The following AGK variants were observed in gnomAD, a reference collection of about 807,000 sequenced individuals.
AGK encodes acylglycerol kinase, also known as acylglycerol kinase, mitochondrial.
Under a neutral mutation model 66.4 loss-of-function variants are expected in AGK, and 52 were observed. That is an observed-to-expected ratio of 0.78 (90% CI 0.63 to 0.99). The LOEUF is 0.99. AGK is among the 50% of genes least tolerant of loss of function. The probability of loss-of-function intolerance (pLI) is 0.00; values close to 1 mark genes in which losing one functional copy is unlikely to be tolerated. For missense variants in AGK, 451 were observed against 506.6 expected, an observed-to-expected ratio of 0.89 and a Z score of 1.05; for synonymous variants, 182 against 181.1, an observed-to-expected ratio of 1.00 and a Z score of -0.04.
chr7:141,602,537 C>T (rs1257411523), intron 5 of AGK, among the ~76,000 whole-genome samples: 1 of 151,962 alleles, frequency 6.6e-6, no homozygotes, highest in Non-Finnish European at 1.5e-5. Context: ...TGTAATGTCT[C>T]ATTTTCATTC....
chr7:141,630,484 A>C (rs892090359), intron 9 of AGK, among the ~76,000 whole-genome samples: 2 of 152,232 alleles, frequency 1.3e-5, no homozygotes, highest in African/African-American at 4.8e-5. Flanking sequence ...TAATCATCCC[A>C]CATGTCAATT....
chr7:141,596,928 T>C, intron 4 of AGK: 1 of 335,690 alleles, frequency 3.0e-6, no homozygotes, highest in Non-Finnish European at 5.5e-6. Flanking sequence ...GAGCGACTGC[T>C]GTACTGCTAG....
chr7:141,641,198 G>A (rs1238288563), intron 11 of AGK, 50 bp from the exon 12 acceptor site: 1 of 1,554,324 alleles, frequency 6.4e-7, no homozygotes, highest in Non-Finnish European at 8.7e-7. Flanking sequence ...GAAACTCCCA[G>A]AGTGGAATTG....
intron 15 of AGK, chr7:141,652,552 C>CA (rs1354400455): frequency 5.3e-6 from 2 of 380,488 alleles, no homozygotes; most frequent in African/African-American, 2.0e-5. Flanking sequence ...AGATAGGGGC[C>CA]AAAAAAAGAA....
At chr7:141,573,088 C>T (rs1795648830) in intron 2 of AGK, among the ~76,000 whole-genome samples, 1 of 152,138 alleles carries the variant, frequency 6.6e-6, no homozygotes, top group African/African-American at 2.4e-5. Context: ...ATTCTGCTGA[C>T]ATTTGAAGAA....
chr7:141,648,126 C>T (rs1287869088), intron 13 of AGK, among the ~76,000 whole-genome samples: 1 of 152,184 alleles, frequency 6.6e-6, no homozygotes. Context: ...GGCTTCTCCA[C>T]GGGACCCCCT....
chr7:141,599,736 A>G (rs1348836440), intron 4 of AGK, among the ~76,000 whole-genome samples: 1 of 152,188 alleles, frequency 6.6e-6, no homozygotes, highest in Non-Finnish European at 1.5e-5. Flanking sequence ...CAGTGCTTTA[A>G]TGTTGGGTTA....
intron 2 of AGK, among the ~76,000 whole-genome samples, chr7:141,559,925 T>G (rs1169717397): frequency 6.6e-6 from 1 of 152,188 alleles, no homozygotes; most frequent in African/African-American, 2.4e-5. Context: ...GATTTTTGTG[T>G]GTTGTGTATC....
intron 9 of AGK, 43 bp downstream of exon 9, chr7:141,621,844 A>C (rs774249563): frequency 1.6e-5 from 22 of 1,385,176 alleles, no homozygotes; most frequent in Non-Finnish European, 2.1e-5. Context: ...TGAAAGTAAT[A>C]CTCGCTTACA....
intron 5 of AGK, among the ~76,000 whole-genome samples, chr7:141,608,610 C>T (rs1587122683): frequency 6.6e-6 from 1 of 152,164 alleles, no homozygotes; most frequent in East Asian, 1.9e-4. Context: ...AAAGTATTGC[C>T]TAAGAAAAGG....
At chr7:141,604,598 T>G (rs1207220535) in intron 5 of AGK, among the ~76,000 whole-genome samples, 2 of 147,284 alleles carry the variant, frequency 1.4e-5, no homozygotes, top group African/African-American at 2.5e-5. Context: ...TTTTTTTTTT[T>G]TTTTGAGACA....
chr7:141,564,938 G>A (rs781299544), intron 2 of AGK, among the ~76,000 whole-genome samples: 38 of 152,046 alleles, frequency 2.5e-4, no homozygotes, highest in Non-Finnish European at 5.1e-4. Flanking sequence ...TGTTGGTCAG[G>A]CTGGTCTTGA....
At chr7:141,585,515 T>A (rs1377300448) in intron 2 of AGK, among the ~76,000 whole-genome samples, 1 of 152,184 alleles carries the variant, frequency 6.6e-6, no homozygotes, top group African/African-American at 2.4e-5. Flanking sequence ...CTATTTTTTT[T>A]AAAGCAAAGA....
At chr7:141,626,822 A>G (rs1796947896) in intron 9 of AGK, among the ~76,000 whole-genome samples, 1 of 152,236 alleles carries the variant, frequency 6.6e-6, no homozygotes, top group Admixed American at 6.5e-5. Flanking sequence ...CATGAGAGGC[A>G]GTATTGGAAC....
At chr7:141,569,538 A>G (rs957452680) in intron 2 of AGK, among the ~76,000 whole-genome samples, 17 of 152,190 alleles carry the variant, frequency 1.1e-4, no homozygotes, top group African/African-American at 4.1e-4. Flanking sequence ...TGTCTCAAAA[A>G]TAAAATAAAA....
In AGK at chr7:141,560,272, G is replaced by T. The variant is rs532241504; in HGVS notation, c.101+4705G>T. On this transcript the variant is annotated intron_variant, in intron 2 of 15. Transcript: ENST00000649286. ...CTTTTCCTTTTGTTGCCCTCCCTCC[G>T]TTTTTTTTTTTGCCTATATATCCCC... 3.5e-3 allele frequency among the ~76,000 whole-genome samples: 495 copies of T among 141,702 alleles called. 4 individuals carry two copies. The highest frequency in any genetic ancestry group is 0.012 in the African/African-American group (472 of 38,776). The allele number at this position is 141,702 out of a possible 152,430, so 93.0% of individuals were successfully genotyped here.
intron 9 of AGK, among the ~76,000 whole-genome samples, chr7:141,628,026 C>T (rs958804547): frequency 3.9e-5 from 6 of 152,144 alleles, no homozygotes; most frequent in East Asian, 3.9e-4. Context: ...GGACTACAGG[C>T]GCATGCCACC....
chr7:141,558,773 G>A (rs1031664659), intron 2 of AGK, among the ~76,000 whole-genome samples: 2 of 151,988 alleles, frequency 1.3e-5, no homozygotes, highest in African/African-American at 2.4e-5. Flanking sequence ...GTTTCTCCAC[G>A]CCCTCATCAA....
chr7:141,563,694 C>T lies in AGK; in HGVS notation c.101+8127C>T, dbSNP rs576188816. ...CCTGTTCCACTTCTGAAATATGGAACTTCAGTATCCCATTCTGTCATTACG... is the reference window on the plus strand; with the variant it reads ...CCTGTTCCACTTCTGAAATATGGAATTTCAGTATCCCATTCTGTCATTACG... On this transcript the variant is annotated intron_variant, in intron 2 of 15. Transcript: ENST00000649286. 2.0e-5 allele frequency among the ~76,000 whole-genome samples: 3 copies of T among 152,346 alleles called. No homozygotes were observed. In the East Asian group the frequency reaches 5.8e-4, roughly 29 times the overall value.
Sources: gnomAD v4.1 joint callset for allele counts (sites outside exome capture counted in the v4.1 genomes callset) on GRCh38, gnomAD v4.1.1 for gene constraint, MANE v1.5 for transcripts, NCBI Gene and HGNC (gene_info 2026-07-23, HGNC 2026-07-21) for gene names.